ULK2: variants seen among roughly 807,000 people sequenced by gnomAD.
ULK2 encodes unc-51 like autophagy activating kinase 2.
ULK2 carries 76 observed loss-of-function variants against 127.5 expected under a neutral mutation model. The ratio of observed to expected loss-of-function variants is 0.60; its 90% confidence interval spans 0.50 to 0.72. The LOEUF (loss-of-function observed/expected upper bound fraction) is 0.72, where lower values mean the gene tolerates loss of function less well. Ranked by LOEUF, ULK2 falls within the 30% of genes least tolerant of loss-of-function variation. The pLI is 0.00. For synonymous variants in ULK2, 452 were observed against 461.9 expected (o/e 0.98, Z 0.28); for missense variants, 1,144 against 1,295.9 (o/e 0.88, Z 1.80).
intron 8 of ULK2, 39 bp from the exon 9 acceptor site, chr17:19,841,586 G>A: frequency 1.3e-6 from 2 of 1,491,518 alleles, no homozygotes; most frequent in Non-Finnish European, 1.8e-6. Context: ...TAAACAATGG[G>A]GGCAAAACTT....
chr17:19,800,574 G>A (rs530509337), intron 16 of ULK2, among the ~76,000 whole-genome samples: 1 of 152,154 alleles, frequency 6.6e-6, no homozygotes, highest in African/African-American at 2.4e-5. Context: ...CATTGCAACA[G>A]GTAATGTGGC....
intron 14 of ULK2, among the ~76,000 whole-genome samples, chr17:19,806,560 G>A (rs1221196122): frequency 6.6e-6 from 1 of 152,176 alleles, no homozygotes; most frequent in Non-Finnish European, 1.5e-5. Flanking sequence ...ATAGTCTCTG[G>A]ACAGGACCTG....
chr17:19,776,836 A>G (rs935812802), intron 26 of ULK2, among the ~76,000 whole-genome samples: 3 of 152,246 alleles, frequency 2.0e-5, no homozygotes, highest in Admixed American at 1.3e-4. Context: ...TTAGTCACTA[A>G]GCCCATGAGG....
chr17:19,790,028 T>C (rs1032813028), intron 20 of ULK2, among the ~76,000 whole-genome samples: 1 of 151,664 alleles, frequency 6.6e-6, no homozygotes, highest in African/African-American at 2.4e-5. Context: ...CAATAACATA[T>C]AAAGAGAAAC....
intron 20 of ULK2, among the ~76,000 whole-genome samples, chr17:19,794,300 G>C (rs1567681130): frequency 6.6e-6 from 1 of 152,164 alleles, no homozygotes; most frequent in African/African-American, 2.4e-5. Flanking sequence ...CCAACTATAA[G>C]AGTAGAACAT....
chr17:19,804,536 T>C (rs2087471170), intron 15 of ULK2, among the ~76,000 whole-genome samples, 157 bp downstream of exon 15: 1 of 152,194 alleles, frequency 6.6e-6, no homozygotes, highest in Non-Finnish European at 1.5e-5. Flanking sequence ...GCATTTAAAT[T>C]CATCAATTAT....
At chr17:19,803,318 T>G (rs1054191453) in intron 15 of ULK2, among the ~76,000 whole-genome samples, 1 of 152,146 alleles carries the variant, frequency 6.6e-6, no homozygotes, top group Admixed American at 6.5e-5. Flanking sequence ...AAATATTAAT[T>G]TTTACTGCCT....
At chr17:19,784,379 A>G (rs909887972) in intron 21 of ULK2, among the ~76,000 whole-genome samples, 36 of 152,184 alleles carry the variant, frequency 2.4e-4, no homozygotes, top group African/African-American at 7.7e-4. Flanking sequence ...CTGAAGTGGT[A>G]TAAGAAGGAA....
chr17:19,838,652 C>A, intron 9 of ULK2, 69 bp from the exon 10 acceptor site: 1 of 1,364,520 alleles, frequency 7.3e-7, no homozygotes, highest in Admixed American at 2.0e-5. Context: ...CTTTTGCCTT[C>A]CATATAGTAA....
chr17:19,787,311 G>C (rs1597714659), intron 20 of ULK2, among the ~76,000 whole-genome samples: 1 of 146,704 alleles, frequency 6.8e-6, no homozygotes, highest in Non-Finnish European at 1.5e-5. Context: ...TTTAGAGACA[G>C]GGTCTCCACC....
At chr17:19,831,200 A>T (rs914182586) in intron 10 of ULK2, among the ~76,000 whole-genome samples, 2 of 152,080 alleles carry the variant, frequency 1.3e-5, no homozygotes, top group Non-Finnish European at 2.9e-5. Flanking sequence ...ACACTTTCAA[A>T]CCATCAGATC....
Position 19,814,449 on chromosome 17 carries a change from T to TG in ULK2, c.1096+2299_1096+2300insC, listed in dbSNP as rs1567696658. Among the ~76,000 whole-genome samples the TG allele has an allele frequency of 3.3e-3, 173 of 52,876 alleles. 3 individuals carry two copies. Among genetic ancestry groups the TG allele is most frequent in the East Asian group, 0.014 (40 of 2,834 alleles). 34.7% of individuals were successfully genotyped at this position (52,876 alleles called of 152,430 possible). On this transcript the variant is annotated intron_variant, in intron 13 of 26. Transcript: ENST00000395544. ...ATATATATATATATATTTTTTTTTT[T>TG]TTTTTTTTTTTTTTGGAGACAGGGT...
At chr17:19,799,637 G>T in intron 16 of ULK2, 62 bp from the exon 17 acceptor site, 1 of 1,386,262 alleles carries the variant, frequency 7.2e-7, no homozygotes. Flanking sequence ...ACCAATAAAA[G>T]ATGGCAACAG....
In ULK2 at chr17:19,774,343, T is replaced by C. The variant is rs2086778959; in HGVS notation, c.*2006A>G. 1 of 152,342 alleles carries C rather than the reference T, an allele frequency of 6.6e-6. No homozygotes were observed. Among genetic ancestry groups the C allele is most frequent in the African/African-American group, 2.4e-5 (1 of 41,450 alleles). The allele number at this position is 152,342 out of a possible 1,614,324, so 9.4% of individuals were successfully genotyped here. Reference sequence around the variant, plus strand: ...CTTTAATATACAAGAACAAGAAGAATTAACTTGAAAGTCACAAAGCATGGC... The same window carrying C: ...CTTTAATATACAAGAACAAGAAGAACTAACTTGAAAGTCACAAAGCATGGC... On this transcript the variant is annotated 3_prime_UTR_variant, in exon 27 of 27. Coordinates refer to ENST00000395544, the MANE Select transcript of ULK2 (RefSeq NM_014683.4).
At chr17:19,861,418 G>A (rs1253636132) in intron 3 of ULK2, among the ~76,000 whole-genome samples, 6 of 151,920 alleles carry the variant, frequency 3.9e-5, no homozygotes, top group South Asian at 2.1e-4. Context: ...GATGGCGGGC[G>A]CCTGTAGTCC....
intron 18 of ULK2, 99 bp from the exon 19 acceptor site, chr17:19,796,381 T>C (rs998348217): frequency 2.7e-6 from 3 of 1,118,364 alleles, no homozygotes; most frequent in Admixed American, 3.5e-5. Flanking sequence ...GTCAGGAGCA[T>C]GTAGGAGATA....
chr17:19,783,268 T>C (rs932496492), intron 22 of ULK2, among the ~76,000 whole-genome samples: 1 of 151,910 alleles, frequency 6.6e-6, no homozygotes, highest in Non-Finnish European at 1.5e-5. Context: ...CTGGCCAACA[T>C]GGTGAAACCC....
intron 3 of ULK2, among the ~76,000 whole-genome samples, chr17:19,854,832 G>T (rs752967270): frequency 6.6e-5 from 10 of 152,098 alleles, no homozygotes; most frequent in Non-Finnish European, 1.3e-4. Context: ...GGGGCATGGT[G>T]GCTTAAGACT....
chr17:19,792,313 T>C (rs572581289), intron 20 of ULK2, among the ~76,000 whole-genome samples: 2 of 152,174 alleles, frequency 1.3e-5, no homozygotes, highest in South Asian at 4.2e-4. Flanking sequence ...ATAAATAAAA[T>C]TGACAAACCT....
Sources: allele counts gnomAD v4.1 joint callset (sites outside exome capture counted in the v4.1 genomes callset), GRCh38; gene constraint gnomAD v4.1.1; transcripts MANE v1.5; gene names NCBI Gene and HGNC (gene_info 2026-07-23, HGNC 2026-07-21).